Variants in TASP1 observed in about 807,000 individuals in gnomAD.
TASP1 encodes taspase 1.
Under a neutral mutation model 56.6 loss-of-function variants are expected in TASP1, and 16 were observed. That is an observed-to-expected ratio of 0.28 (90% CI 0.19 to 0.43). The LOEUF is 0.43. Ranked by LOEUF, TASP1 falls within the 20% of genes least tolerant of loss-of-function variation. The pLI is 1.00. For synonymous variants in TASP1, 179 were observed against 184.2 expected, an observed-to-expected ratio of 0.97 and a Z score of 0.23; for missense variants, 393 against 511.6, an observed-to-expected ratio of 0.77 and a Z score of 2.24.
At chr20:13,473,146 AC>A (rs1331571513) in intron 11 of TASP1, among the ~76,000 whole-genome samples, 1 of 152,202 alleles carries the variant, frequency 6.6e-6, no homozygotes, top group Non-Finnish European at 1.5e-5. Context: ...ACCATGGAAT[AC>A]TATGCAGCCA....
intron 9 of TASP1, among the ~76,000 whole-genome samples, chr20:13,529,990 C>T (rs1022180980): frequency 2.0e-5 from 3 of 152,172 alleles, no homozygotes; most frequent in African/African-American, 2.4e-5. Context: ...CCTCCAACCA[C>T]TAGTCCTGCC....
chr20:13,372,051 C>G, the TASP1 span, among the ~76,000 whole-genome samples: 1 of 152,176 alleles, frequency 6.6e-6, no homozygotes, highest in Non-Finnish European at 1.5e-5. Context: ...TAAAGTATAA[C>G]TTCTGTAGAG....
chr20:13,175,492 T>C, the TASP1 span, among the ~76,000 whole-genome samples: 3 of 152,198 alleles, frequency 2.0e-5, no homozygotes, highest in African/African-American at 7.2e-5. Flanking sequence ...GCAACAAAGA[T>C]AAAGACTTAG....
At chr20:13,221,213 C>CCTCCTACTCCTA in the TASP1 span, among the ~76,000 whole-genome samples, 1 of 84,246 alleles carries the variant, frequency 1.2e-5, no homozygotes, top group Non-Finnish European at 2.4e-5. Flanking sequence ...CAGCTGAAGC[C>CCTCCTACTCCTA]CTCCTACTCC....
At chr20:13,456,975 C>A (rs1357733545) in intron 11 of TASP1, among the ~76,000 whole-genome samples, 1 of 151,988 alleles carries the variant, frequency 6.6e-6, no homozygotes, top group African/African-American at 2.4e-5. Context: ...TTTGCAGGGA[C>A]ATGGATGAAG....
chr20:13,533,437 A>T, intron 9 of TASP1, among the ~76,000 whole-genome samples: 1 of 152,316 alleles, frequency 6.6e-6, no homozygotes, highest in Admixed American at 6.5e-5. Flanking sequence ...AAAGTGAAGA[A>T]GATGTGCAAG....
intron 13 of TASP1, among the ~76,000 whole-genome samples, chr20:13,416,717 C>A (rs1217418243): frequency 6.6e-6 from 1 of 152,110 alleles, no homozygotes; most frequent in Non-Finnish European, 1.5e-5. Context: ...CATCACAGGC[C>A]ACAGCTGTTT....
At chr20:13,352,831 C>G in the TASP1 span, among the ~76,000 whole-genome samples, 1 of 152,204 alleles carries the variant, frequency 6.6e-6, no homozygotes, top group East Asian at 1.9e-4. Flanking sequence ...TCTCACCACT[C>G]TCTATATCTA....
intron 12 of TASP1, among the ~76,000 whole-genome samples, chr20:13,424,492 A>G (rs1016245797): frequency 2.6e-5 from 4 of 152,124 alleles, no homozygotes; most frequent in African/African-American, 9.7e-5. Context: ...ACTTCATAGC[A>G]CTGGAATTTT....
At chr20:13,538,963 G>T (rs139591551) in intron 8 of TASP1, among the ~76,000 whole-genome samples, 1 of 152,016 alleles carries the variant, frequency 6.6e-6, no homozygotes, top group Non-Finnish European at 1.5e-5. Context: ...TGGGAGAATC[G>T]CTTGAACCCA....
intron 9 of TASP1, among the ~76,000 whole-genome samples, chr20:13,528,913 C>T (rs549873504): frequency 2.6e-5 from 4 of 152,042 alleles, no homozygotes; most frequent in Admixed American, 6.6e-5. Context: ...CTGATAAGAA[C>T]CCTGATTCCT....
intron 11 of TASP1, among the ~76,000 whole-genome samples, chr20:13,440,460 A>C (rs752258103): frequency 1.3e-5 from 2 of 152,182 alleles, no homozygotes; most frequent in African/African-American, 4.8e-5. Context: ...AGGAAAGGTA[A>C]TTCTAAGGGG....
chr20:13,161,550 T>C, the TASP1 span, among the ~76,000 whole-genome samples: 4 of 152,054 alleles, frequency 2.6e-5, no homozygotes. Flanking sequence ...CAGACTTACA[T>C]GGAACTAGAG....
At chr20:13,405,383 AT>A (rs2041878289) in intron 13 of TASP1, among the ~76,000 whole-genome samples, 1 of 152,288 alleles carries the variant, frequency 6.6e-6, no homozygotes, top group African/African-American at 2.4e-5. Context: ...TTCCTCTTTC[AT>A]TTTTTTAAAA....
the TASP1 span, among the ~76,000 whole-genome samples, chr20:13,372,533 G>A: frequency 2.0e-5 from 3 of 150,814 alleles, no homozygotes; most frequent in Non-Finnish European, 4.4e-5. Context: ...TGTTATATAT[G>A]TATACACATA....
rs75027976 is a variant in TASP1, at chr20:13,408,348, G to A, written c.1170+9100C>T. On this transcript the variant is annotated intron_variant, in intron 13 of 13. Transcript: ENST00000337743. ...ATGTTAAGTCAACTGTGCATTCCTT[G>A]GAAAAACCTTATTTGGTGTCCACGG... Among the ~76,000 whole-genome samples the A allele has an allele frequency of 2.2e-3, 337 of 152,212 alleles. 5 individuals are homozygous for A. Among genetic ancestry groups the A allele is most frequent in the Middle Eastern group, 3.4e-3 (1 of 294 alleles).
the TASP1 span, among the ~76,000 whole-genome samples, chr20:13,292,968 G>A: frequency 3.9e-5 from 6 of 151,942 alleles, no homozygotes; most frequent in Non-Finnish European, 4.4e-5. Context: ...AGGCTGAGGC[G>A]GGCAGATCAC....
At position 13,499,155 on chromosome 20, in the gene TASP1, C is replaced by T. The variant is rs140218002; in HGVS notation, c.875-15818G>A. ...TAAAAAAGAATGAAAATATGTCCTT[C>T]GCAGCAACATAAATGTAGGTGGAAG... On this transcript the variant is annotated intron_variant, in intron 10 of 13. Coordinates refer to ENST00000337743, the MANE Select transcript of TASP1 (RefSeq NM_017714.3). Among the ~76,000 whole-genome samples, 117 of 152,146 alleles carry T rather than the reference C, an allele frequency of 7.7e-4. 3 individuals are homozygous for T. The highest frequency in any genetic ancestry group is 2.5e-3 in the African/African-American group (104 of 41,496).
At chr20:13,114,209 A>G in the TASP1 span, among the ~76,000 whole-genome samples, 1 of 152,246 alleles carries the variant, frequency 6.6e-6, no homozygotes, top group Non-Finnish European at 1.5e-5. Context: ...ACACAGGGGC[A>G]TTGAAACGTA....
Sources: allele counts gnomAD v4.1 joint callset (sites outside exome capture counted in the v4.1 genomes callset), GRCh38; gene constraint gnomAD v4.1.1; transcripts MANE v1.5; gene names NCBI Gene and HGNC (gene_info 2026-07-23, HGNC 2026-07-21).